Variants in BRD2 observed in about 807,000 individuals in gnomAD.
The protein encoded by BRD2 is bromodomain containing 2.
Under a neutral mutation model 79.1 loss-of-function variants are expected in BRD2, and 15 were observed. That is an observed-to-expected ratio of 0.19 (90% confidence interval 0.13 to 0.29). The LOEUF (loss-of-function observed/expected upper bound fraction) is 0.29. BRD2 is among the 10% of genes least tolerant of loss of function. BRD2 has a pLI of 1.00. For missense variants in BRD2, 1,053 were observed against 991.3 expected (o/e 1.06, Z -0.84); for synonymous variants, 488 against 358.6 (o/e 1.36, Z -4.08).
At chr6:32,973,828 A>G (rs72865884) in intron 2 of BRD2, among the ~76,000 whole-genome samples, 1 of 144,526 alleles carries the variant, frequency 6.9e-6, no homozygotes, top group Non-Finnish European at 1.5e-5. Context: ...CCTGGAAGTT[A>G]CGGGCTGTGA....
intron 5 of BRD2, 28 bp from the exon 6 acceptor site, chr6:32,976,222 C>G: frequency 6.2e-7 from 1 of 1,610,912 alleles, no homozygotes. Context: ...GGAAGAGAAT[C>G]AAACTACACT....
In BRD2 at chr6:32,978,397, G is replaced by A; in HGVS notation, c.1841+9G>A. 1 of 1,610,244 alleles carries A rather than the reference G, an allele frequency of 6.2e-7. No homozygotes were observed. Among genetic ancestry groups the A allele is most frequent in the Admixed American group, 1.7e-5 (1 of 59,700 alleles). ...GGAGGAAGTGGCACCAAGTGAGTTA[G>A]AGTAGGAAGCAGAGACTAGTTTGGC... On this transcript the variant is annotated intron_variant, in intron 10 of 12. Transcript: ENST00000374825.
chr6:32,975,103 A>G (rs1306475384), intron 3 of BRD2: 1 of 1,510,286 alleles, frequency 6.6e-7, no homozygotes, highest in Non-Finnish European at 8.8e-7. Context: ...ATGGATAGCC[A>G]GCCCCAGAGG....
At chr6:32,973,964 T>C (rs1778374706) in intron 2 of BRD2, among the ~76,000 whole-genome samples, 1 of 152,170 alleles carries the variant, frequency 6.6e-6, no homozygotes, top group Admixed American at 6.5e-5. Context: ...TGCTCTCTCT[T>C]CTATCTAGGT....
In BRD2 at chr6:32,971,972, A is replaced by C; in HGVS notation, c.-927A>C. The stretch of plus-strand genomic sequence containing the variant: ...CTCTGCGGCACTCTTCTGCCTGGTG[A>C]CTGACACCTTGGAAATGAAGTTTAT... On this transcript the variant is annotated 5_prime_UTR_variant, in exon 2 of 13. An upstream open reading frame in the 5' UTR loses its in-frame stop. Transcript: ENST00000374825. The C allele has an allele frequency of 1.4e-6, 1 of 702,650 alleles. No individual in the cohort carries two copies. The highest frequency in any genetic ancestry group is 2.6e-6 in the Non-Finnish European group (1 of 384,934). 43.5% of individuals were successfully genotyped at this position (702,650 alleles called of 1,614,324 possible). A position where few individuals can be genotyped will look rare whatever the true frequency, so the allele number is the denominator to read the frequency against.
chr6:32,971,840 G>A lies in BRD2; in HGVS notation c.-1059G>A, dbSNP rs201797920. On this transcript the variant is annotated 5_prime_UTR_variant, in exon 2 of 13. Coordinates refer to ENST00000374825, the MANE Select transcript of BRD2 (RefSeq NM_005104.4). ...GGGAGAGAGTGCTGGAGGCTCTGGG[G>A]CGATGGCTTCCGCACCTCTTCCAAC... 8.7e-6 allele frequency: 6 copies of A among 687,460 alleles called. No homozygotes were observed. The highest frequency in any genetic ancestry group is 1.6e-5 in the Non-Finnish European group (6 of 377,620). 42.6% of individuals were successfully genotyped at this position (687,460 alleles called of 1,614,324 possible). A position where few individuals can be genotyped will look rare whatever the true frequency, so the allele number is the denominator to read the frequency against.
chr6:32,978,041 G>A (rs199798117), intron 9 of BRD2, 36 bp downstream of exon 9: 43 of 1,604,998 alleles, frequency 2.7e-5, no homozygotes, highest in Non-Finnish European at 3.5e-5. Context: ...TATTGGGTAA[G>A]AGGTTCATGC....
chr6:32,978,366 C>G lies in BRD2; in HGVS notation c.1819C>G (p.Pro607Ala). The G allele has an allele frequency of 6.2e-7, 1 of 1,612,500 alleles. No homozygotes were observed. Among genetic ancestry groups the G allele is most frequent in the East Asian group, 2.2e-5 (1 of 44,868 alleles). ...SAALGPSGFG[P>A]SGGSGTKLPK... is the part of the protein sequence containing the mutation. The stretch of plus-strand genomic sequence containing the variant: ...TGCTTTAGGCCCTTCTGGCTTTGGA[C>G]CTTCTGGAGGAAGTGGCACCAAGTG... The change falls in exon 10 of 13, where the codon CCT becomes GCT. Residue 607 changes from proline (P) to alanine (A), a missense_variant. Physicochemically the swap from Pro to Ala is conservative, Grantham distance 27. Coordinates refer to ENST00000374825, the MANE Select transcript of BRD2 (RefSeq NM_005104.4).
At position 32,976,308 on chromosome 6, in the gene BRD2, C is replaced by T. The variant is rs2127515621; in HGVS notation, c.669C>T (p.His223=). The change falls in exon 6 of 13, where the codon CAC becomes CAT. Residue 223 remains histidine, a synonymous_variant. Coordinates refer to ENST00000374825, the MANE Select transcript of BRD2 (RefSeq NM_005104.4). ...HQVPAVSSVS[H]TALYTPPPEI... is the part of the protein sequence containing the mutation. ...TGCCTGCCGTCTCTTCTGTGTCACACACAGCCCTGTATACTCCTCCACCTG... is the reference window on the plus strand; with the variant it reads ...TGCCTGCCGTCTCTTCTGTGTCACATACAGCCCTGTATACTCCTCCACCTG... 1 of 1,613,076 alleles carries T rather than the reference C, an allele frequency of 6.2e-7. No individual in the cohort carries two copies. Among genetic ancestry groups the T allele is most frequent in the Non-Finnish European group, 8.5e-7 (1 of 1,180,032 alleles).
intron 3 of BRD2, 198 bp from the exon 4 acceptor site, chr6:32,975,186 C>A: frequency 7.6e-7 from 1 of 1,316,122 alleles, no homozygotes; most frequent in Non-Finnish European, 1.0e-6. Context: ...AGGGGCCTCC[C>A]TGTGGATGTC....
intron 10 of BRD2, chr6:32,979,577 T>A: frequency 2.2e-6 from 1 of 465,106 alleles, no homozygotes; most frequent in Non-Finnish European, 3.8e-6. Flanking sequence ...GTCACATTTT[T>A]AGTAATATTT....
Position 32,980,918 on chromosome 6 carries a change from T to C in BRD2, c.*200T>C, listed in dbSNP as rs1044413624. On this transcript the variant is annotated 3_prime_UTR_variant, in exon 13 of 13. Coordinates refer to ENST00000374825, the MANE Select transcript of BRD2 (RefSeq NM_005104.4). ...GGGACATGGACAAAACAACATTGAATTCCCAGCCCCATTGGGGAGTGATCT... is the reference window on the plus strand; with the variant it reads ...GGGACATGGACAAAACAACATTGAACTCCCAGCCCCATTGGGGAGTGATCT... 3.2e-6 allele frequency: 2 copies of C among 629,036 alleles called. No individual in the cohort carries two copies. Among genetic ancestry groups the C allele is most frequent in the East Asian group, 2.9e-5 (1 of 34,544 alleles). 39.0% of individuals were successfully genotyped at this position (629,036 alleles called of 1,614,324 possible).
At chr6:32,971,350 AT>A (rs1777948554) in intron 1 of BRD2, among the ~76,000 whole-genome samples, 1 of 152,062 alleles carries the variant, frequency 6.6e-6, no homozygotes, top group Non-Finnish European at 1.5e-5. Context: ...GGACGTGCAA[AT>A]TTGGGAGACG....
Position 32,972,582 on chromosome 6 carries a change from C to G in BRD2, c.-317C>G, listed in dbSNP as rs1778158794. 3.2e-5 allele frequency: 17 copies of G among 523,864 alleles called. 1 individual carries two copies. In the South Asian group the frequency reaches 3.7e-4, roughly 11 times the overall value. 32.5% of individuals were successfully genotyped at this position (523,864 alleles called of 1,614,324 possible). On this transcript the variant is annotated 5_prime_UTR_variant, in exon 2 of 13. Transcript: ENST00000374825. ...GGAATCCCTGCAGACCAACAGCGGG[C>G]TATATTGACGACGGTGTCTGAGATC...
At chr6:32,974,286 C>G (rs543667147) in intron 2 of BRD2, among the ~76,000 whole-genome samples, 176 bp from the exon 3 acceptor site, 2 of 152,128 alleles carry the variant, frequency 1.3e-5, no homozygotes, top group African/African-American at 2.4e-5. Flanking sequence ...AAAAGGAAGG[C>G]GGGGCCAGCA....
rs1401758132 is a variant in BRD2, at chr6:32,973,391, G to C, written c.29+464G>C. Among the ~76,000 whole-genome samples, 23 of 152,164 alleles carry C rather than the reference G, an allele frequency of 1.5e-4. 1 individual carries two copies. Among genetic ancestry groups the C allele is most frequent in the Non-Finnish European group, 5.9e-5 (4 of 68,036 alleles). ...GGGTAAAGGGATCACTCTCCCGTGT[G>C]TGCAGGTTCCTAATGCCCAGGGTAT... On this transcript the variant is annotated intron_variant, in intron 2 of 12. Coordinates refer to ENST00000374825, the MANE Select transcript of BRD2 (RefSeq NM_005104.4).
rs1247089518 is a variant in BRD2 at position 32,972,211 on chromosome 6, G to A, written c.-688G>A. The A allele has an allele frequency of 1.9e-6, 1 of 532,824 alleles. No individual in the cohort carries two copies. Among genetic ancestry groups the A allele is most frequent in the Non-Finnish European group, 3.4e-6 (1 of 292,004 alleles). 33.0% of individuals were successfully genotyped at this position (532,824 alleles called of 1,614,324 possible). ...GGGCTCGGCGGCGCCATTTCGTGCT[G>A]GAGTGGAGCAGCCTCTAGAACGAGC... On this transcript the variant is annotated 5_prime_UTR_variant, in exon 2 of 13. Transcript: ENST00000374825.
intron 3 of BRD2, chr6:32,975,071 C>A: frequency 6.6e-7 from 1 of 1,517,494 alleles, no homozygotes; most frequent in Non-Finnish European, 8.8e-7. Context: ...TTCTTAGCTT[C>A]TTCCTTTCCC....
chr6:32,972,067 C>T lies in BRD2; in HGVS notation c.-832C>T. The T allele has an allele frequency of 2.9e-6, 2 of 698,584 alleles. No homozygotes were observed. The highest frequency in any genetic ancestry group is 5.2e-6 in the Non-Finnish European group (2 of 383,076). 43.3% of individuals were successfully genotyped at this position (698,584 alleles called of 1,614,324 possible). On this transcript the variant is annotated 5_prime_UTR_variant, in exon 2 of 13. Coordinates refer to ENST00000374825, the MANE Select transcript of BRD2 (RefSeq NM_005104.4). ...AGGTGTTCCTTCCCCTTCGACTCAGCTTCTTCACCCGCGTGAGCGAGCGCG... is the reference window on the plus strand; with the variant it reads ...AGGTGTTCCTTCCCCTTCGACTCAGTTTCTTCACCCGCGTGAGCGAGCGCG...
Sources: allele counts gnomAD v4.1 joint callset (sites outside exome capture counted in the v4.1 genomes callset), GRCh38; gene constraint gnomAD v4.1.1; transcripts MANE v1.5; gene names NCBI Gene and HGNC (gene_info 2026-07-23, HGNC 2026-07-21).